The following SLC25A20 variants were observed in gnomAD, a reference collection of about 807,000 sequenced individuals.
SLC25A20 encodes solute carrier family 25 member 20, also known as mitochondrial carnitine/acylcarnitine carrier protein.
In SLC25A20, 29 loss-of-function variants were observed where a neutral mutation model predicts 39.7. That is an observed-to-expected ratio of 0.73 (90% CI 0.54 to 1.00). The LOEUF (loss-of-function observed/expected upper bound fraction) is 1.00, where lower values mean the gene tolerates loss of function less well. Among genes scored for constraint, SLC25A20 ranks in the 50% least tolerant of loss-of-function variants. The pLI is 0.00. For synonymous variants in SLC25A20, 103 were observed against 142.2 expected (o/e 0.72, Z 1.96); for missense variants, 333 against 379.9 (o/e 0.88, Z 1.03).
In SLC25A20 at chr3:48,859,094, G is replaced by C. The variant is rs751323150; in HGVS notation, c.716C>G (p.Thr239Ser). 11 of 1,613,198 alleles carry C rather than the reference G, an allele frequency of 6.8e-6. No individual in the cohort carries two copies. In the African/African-American group the frequency reaches 1.5e-4, roughly 22 times the overall value. ...PPDVLKSRFQ[T>S]APPGKYPNGF... is the part of the protein sequence containing the mutation. ...CCACCCCACTACCTTCCACTCACCA[G>C]TCTGGAATCGAGACTTGAGCACATC... Residue 239 changes from threonine (T) to serine (S), a missense_variant and splice_region_variant, in exon 7 of 9, where the codon ACT (threonine) becomes AGT (serine). Transcript: ENST00000319017.
intron 4 of SLC25A20, among the ~76,000 whole-genome samples, chr3:48,878,797 C>A (rs1374520738): frequency 1.4e-5 from 2 of 144,452 alleles, no homozygotes; most frequent in South Asian, 2.2e-4. Flanking sequence ...AAGACCCCAT[C>A]TCAAAAAAAA....
rs2083598994 is a variant in SLC25A20 at position 48,858,629 on chromosome 3, G to T, written c.721C>A (p.Pro241Thr). Residue 241 changes from proline to threonine, a missense_variant and splice_region_variant, in exon 8 of 9, where the codon CCT becomes ACT. Coordinates refer to ENST00000319017, the MANE Select transcript of SLC25A20 (RefSeq NM_000387.6). Reference sequence around the variant, plus strand: ...AAACCATTAGGATATTTCCCAGGAGGTGCTGTGGGGCAGAACCCAATTTTT... The same window carrying T: ...AAACCATTAGGATATTTCCCAGGAGTTGCTGTGGGGCAGAACCCAATTTTT... The part of the protein sequence containing the change: ...DVLKSRFQTA[P>T]PGKYPNGFRD... 10 of 1,614,196 alleles carry T rather than the reference G, an allele frequency of 6.2e-6. No individual in the cohort carries two copies. Among genetic ancestry groups the T allele is most frequent in the Non-Finnish European group, 7.6e-6 (9 of 1,180,036 alleles).
rs1484819297 is a variant in SLC25A20, at chr3:48,858,536, C to A, written c.814G>T (p.Val272Leu). 4 of 1,614,228 alleles carry A rather than the reference C, an allele frequency of 2.5e-6. No individual in the cohort carries two copies. The highest frequency in any genetic ancestry group is 1.1e-5 in the South Asian group (1 of 91,088). The change falls in exon 8 of 9, where the codon GTG (valine) becomes TTG (leucine). Residue 272 changes from valine to leucine, a missense_variant. By Grantham distance (32) the Val-to-Leu change is conservative. Coordinates refer to ENST00000319017, the MANE Select transcript of SLC25A20 (RefSeq NM_000387.6). Reference protein sequence around the residue: ...VTSLYKGFNAVMIRAFPANAA... With the variant: ...VTSLYKGFNALMIRAFPANAA... ...TTGGCTGGGAAGGCTCGGATCATCA[C>A]TGCATTGAACCCTTTGTACAAGGAT... is the stretch of plus-strand genomic sequence containing the variant.
At chr3:48,861,070 G>A (rs1026364350) in intron 5 of SLC25A20, among the ~76,000 whole-genome samples, 3 of 151,336 alleles carry the variant, frequency 2.0e-5, no homozygotes, top group East Asian at 2.0e-4. Flanking sequence ...CTCGTGATCC[G>A]CCCGCCTCGG....
intron 2 of SLC25A20, among the ~76,000 whole-genome samples, chr3:48,890,071 A>G (rs2083862017): frequency 6.6e-6 from 1 of 152,176 alleles, no homozygotes; most frequent in Non-Finnish European, 1.5e-5. Flanking sequence ...ACTCTACTCC[A>G]CCAGCTTCTT....
Position 48,892,013 on chromosome 3 carries a change from G to A in SLC25A20, c.165C>T (p.Thr55=). 6 of 1,613,866 alleles carry A rather than the reference G, an allele frequency of 3.7e-6. No individual in the cohort carries two copies. The highest frequency in any genetic ancestry group is 5.1e-6 in the Non-Finnish European group (6 of 1,179,820). ...AAAGAGTCTTCCGGAAACAGTCAAAGGTCCCAGAGTACATGGGAGGTTGTC... is the reference window on the plus strand; with the variant it reads ...AAAGAGTCTTCCGGAAACAGTCAAAAGTCCCAGAGTACATGGGAGGTTGTC... ...LPGQPPMYSG[T]FDCFRKTLFR... The change falls in exon 2 of 9, where the codon ACC becomes ACT. Residue 55 remains threonine, a synonymous_variant. Transcript: ENST00000319017.
chr3:48,875,619 A>C (rs914254789), intron 4 of SLC25A20, among the ~76,000 whole-genome samples: 1 of 152,108 alleles, frequency 6.6e-6, no homozygotes, highest in Non-Finnish European at 1.5e-5. Flanking sequence ...CATATAGGCC[A>C]AGCAGGTCTC....
chr3:48,879,289 G>T, intron 4 of SLC25A20, 69 bp downstream of exon 4: 1 of 1,155,852 alleles, frequency 8.7e-7, no homozygotes, highest in Non-Finnish European at 1.3e-6. Flanking sequence ...AGGGTGAAAG[G>T]ACATAAACAT....
intron 1 of SLC25A20, among the ~76,000 whole-genome samples, chr3:48,894,322 G>A (rs2083898349): frequency 6.8e-6 from 1 of 147,926 alleles, no homozygotes; most frequent in African/African-American, 2.5e-5. Flanking sequence ...CTGGAGTGCA[G>A]TGGCTCAATC....
At position 48,860,603 on chromosome 3, in the gene SLC25A20, C is replaced by CA. The variant is rs1389606417; in HGVS notation, c.536-977dup. On this transcript the variant is annotated intron_variant, in intron 5 of 8. Transcript: ENST00000319017. ...CTGGTGACAGAGCAAGACTCCATCT[C>CA]AAAAAAAAATAATAATAATACAAAA... is the stretch of plus-strand genomic sequence containing the variant. Among the ~76,000 whole-genome samples the CA allele has an allele frequency of 1.5e-4, 23 of 148,590 alleles. No homozygotes were observed. The South Asian group carries it at 3.2e-3, about 21-fold the overall frequency.
chr3:48,898,829 C>G lies in SLC25A20; in HGVS notation c.-35G>C. The stretch of plus-strand genomic sequence containing the variant: ...GTCTGTCACTCCGTCTGTCAGTTCT[C>G]GGGCCGTCCTGGCTTCTCAGCCCCA... On this transcript the variant is annotated 5_prime_UTR_variant, in exon 1 of 9. Transcript: ENST00000319017. The G allele has an allele frequency of 6.5e-7, 1 of 1,543,858 alleles. No homozygotes were observed.
chr3:48,874,122 T>C (rs1201736704), intron 4 of SLC25A20, among the ~76,000 whole-genome samples: 1 of 151,500 alleles, frequency 6.6e-6, no homozygotes, highest in Non-Finnish European at 1.5e-5. Context: ...CAAAACCTTG[T>C]CTCTACTAAA....
intron 1 of SLC25A20, among the ~76,000 whole-genome samples, 197 bp downstream of exon 1, chr3:48,898,493 C>T (rs1291762146): frequency 6.6e-6 from 1 of 152,266 alleles, no homozygotes; most frequent in Non-Finnish European, 1.5e-5. Context: ...AGAGGCTGCT[C>T]ACTTTGCGCC....
rs140299993 is a variant in SLC25A20, at chr3:48,872,135, A to G, written c.417+7223T>C. Among the ~76,000 whole-genome samples the G allele has an allele frequency of 4.2e-3, 628 of 149,884 alleles. 6 individuals are homozygous for G. The highest frequency in any genetic ancestry group is 7.0e-3 in the Middle Eastern group (2 of 286). On this transcript the variant is annotated intron_variant, in intron 4 of 8. Coordinates refer to ENST00000319017, the MANE Select transcript of SLC25A20 (RefSeq NM_000387.6). ...TGAGCCACTCTGCCTGGCCTGCCCA[A>G]TGATTTTTTTTTTTTAAGACAGTAT...
chr3:48,863,599 A>G (rs2083642920), intron 4 of SLC25A20, among the ~76,000 whole-genome samples: 1 of 152,244 alleles, frequency 6.6e-6, no homozygotes, highest in East Asian at 1.9e-4. Context: ...AGAACACACA[A>G]GAGCATCAAC....
At chr3:48,872,056 T>A (rs1004913700) in intron 4 of SLC25A20, among the ~76,000 whole-genome samples, 1 of 140,200 alleles carries the variant, frequency 7.1e-6, no homozygotes. Context: ...CTCAGCCTCA[T>A]GGGCTCAAGC....
rs1356912011 is a variant in SLC25A20, at chr3:48,884,358, C to A, written c.199-234G>T. 2.7e-5 allele frequency among the ~76,000 whole-genome samples: 4 copies of A among 150,722 alleles called. No homozygotes were observed. In the East Asian group the frequency reaches 5.8e-4, roughly 22 times the overall value. ...AGGCAATCTGTTTTTGTTTTGGGGG[C>A]TTTTTTTTTCAGACAGGGTCTCACT... On this transcript the variant is annotated intron_variant, in intron 2 of 8. Coordinates refer to ENST00000319017, the MANE Select transcript of SLC25A20 (RefSeq NM_000387.6).
At chr3:48,867,964 G>A (rs541950352) in intron 4 of SLC25A20, among the ~76,000 whole-genome samples, 50 of 152,014 alleles carry the variant, frequency 3.3e-4, no homozygotes, top group African/African-American at 1.2e-3. Context: ...GGGAGGCTGC[G>A]GCAGGAGAAT....
intron 5 of SLC25A20, among the ~76,000 whole-genome samples, chr3:48,860,602 TC>T (rs1454805990): frequency 6.7e-6 from 1 of 149,206 alleles, no homozygotes; most frequent in African/African-American, 2.5e-5. Context: ...AGACTCCATC[TC>T]AAAAAAAAAT....
Sources: gnomAD v4.1 joint callset for allele counts (sites outside exome capture counted in the v4.1 genomes callset) on GRCh38, gnomAD v4.1.1 for gene constraint, MANE v1.5 for transcripts, NCBI Gene and HGNC (gene_info 2026-07-23, HGNC 2026-07-21) for gene names.